Variants in KCNIP4 observed in about 807,000 individuals in gnomAD.
KCNIP4 encodes the protein Kv channel-interacting protein 4.
A neutral mutation model predicts 34.0 loss-of-function variants in KCNIP4; 12 were observed. The ratio of observed to expected loss-of-function variants is 0.35; its 90% CI spans 0.23 to 0.57. The LOEUF (loss-of-function observed/expected upper bound fraction) is 0.57. Ranked by LOEUF, KCNIP4 falls within the 20% of genes least tolerant of loss-of-function variation. KCNIP4 has a pLI of 0.83. For synonymous variants in KCNIP4, 124 were observed against 102.2 expected (o/e 1.21, Z -1.29); for missense variants, 238 against 311.7 (o/e 0.76, Z 1.78).
intron 1 of KCNIP4, among the ~76,000 whole-genome samples, chr4:21,829,258 G>T (rs935397268): frequency 6.6e-6 from 1 of 151,872 alleles, no homozygotes; most frequent in Admixed American, 6.6e-5. Context: ...CCATTGTAAA[G>T]TAAAAAAAAT....
At chr4:21,620,798 T>C (rs543099085) in intron 1 of KCNIP4, among the ~76,000 whole-genome samples, 13 of 152,278 alleles carry the variant, frequency 8.5e-5, no homozygotes, top group South Asian at 4.1e-4. Context: ...CTGTTGCCCA[T>C]GTACTTAGCC....
chr4:21,799,245 C>G (rs1720843116), intron 1 of KCNIP4, among the ~76,000 whole-genome samples: 1 of 152,124 alleles, frequency 6.6e-6, no homozygotes, highest in African/African-American at 2.4e-5. Context: ...TATTTTCTCT[C>G]TTTTACAGAT....
chr4:21,524,645 C>A (rs1009346393), intron 1 of KCNIP4, among the ~76,000 whole-genome samples: 1 of 152,048 alleles, frequency 6.6e-6, no homozygotes, highest in Non-Finnish European at 1.5e-5. Context: ...TCAGGGAAAC[C>A]TTCTAAGTCA....
At chr4:21,289,871 C>T (rs1332808580) in intron 1 of KCNIP4, among the ~76,000 whole-genome samples, 4 of 152,114 alleles carry the variant, frequency 2.6e-5, no homozygotes, top group South Asian at 2.1e-4. Flanking sequence ...ACTCTATACC[C>T]GCTTCCTCAC....
At chr4:21,365,033 A>G (rs978397837) in intron 1 of KCNIP4, among the ~76,000 whole-genome samples, 3 of 152,196 alleles carry the variant, frequency 2.0e-5, no homozygotes, top group African/African-American at 7.2e-5. Context: ...AGCCAAGTTT[A>G]TATCAAAGGA....
At chr4:21,737,060 T>C (rs908169697) in intron 1 of KCNIP4, among the ~76,000 whole-genome samples, 2 of 152,106 alleles carry the variant, frequency 1.3e-5, no homozygotes, top group Non-Finnish European at 2.9e-5. Flanking sequence ...TTTCCTCCAA[T>C]CCTTTCACTT....
At chr4:21,874,059 C>G (rs375942474) in intron 1 of KCNIP4, among the ~76,000 whole-genome samples, 136 of 152,334 alleles carry the variant, frequency 8.9e-4, no homozygotes, top group African/African-American at 3.2e-3. Flanking sequence ...ATTACATTCA[C>G]TGTGACTGAT....
At chr4:21,068,898 T>A (rs1006967111) in intron 1 of KCNIP4, among the ~76,000 whole-genome samples, 3 of 152,204 alleles carry the variant, frequency 2.0e-5, no homozygotes, top group Non-Finnish European at 4.4e-5. Context: ...ATGACCACAG[T>A]ATAGATGTGT....
intron 1 of KCNIP4, among the ~76,000 whole-genome samples, chr4:21,067,045 A>G (rs937568619): frequency 3.3e-5 from 5 of 152,146 alleles, no homozygotes; most frequent in African/African-American, 1.2e-4. Context: ...TGTGTCTTGC[A>G]ACTTGGATAC....
At chr4:21,029,846 G>C (rs933476156) in intron 1 of KCNIP4, among the ~76,000 whole-genome samples, 1 of 152,128 alleles carries the variant, frequency 6.6e-6, no homozygotes, top group African/African-American at 2.4e-5. Context: ...ATAAAATAAT[G>C]ACTCTTTCCA....
chr4:21,616,299 A>T (rs1744603030), intron 1 of KCNIP4, among the ~76,000 whole-genome samples: 1 of 152,034 alleles, frequency 6.6e-6, no homozygotes, highest in South Asian at 2.1e-4. Flanking sequence ...TCACAATTGC[A>T]CCCTTCAATC....
chr4:21,203,541 T>C (rs943814486), intron 1 of KCNIP4, among the ~76,000 whole-genome samples: 1 of 152,216 alleles, frequency 6.6e-6, no homozygotes, highest in African/African-American at 2.4e-5. Context: ...CTTTTCTGAC[T>C]GGGTAGACAC....
rs543460690 is a variant in KCNIP4, at chr4:20,932,652, C to T, written c.62-49943G>A. The stretch of plus-strand genomic sequence containing the variant: ...ACCATTTTACTATCTGTAGTTTTTC[C>T]ATAACTTGTAAACCTCAGATATACA... On this transcript the variant is annotated intron_variant, in intron 1 of 8. Transcript: ENST00000382152. Among the ~76,000 whole-genome samples the T allele has an allele frequency of 1.6e-4, 24 of 152,110 alleles. 1 individual carries two copies. The highest frequency in any genetic ancestry group is 4.8e-4 in the African/African-American group (20 of 41,512).
rs541345529 is a variant in KCNIP4 at position 21,646,258 on chromosome 4, G to A, written c.61+302313C>T. 1.1e-4 allele frequency among the ~76,000 whole-genome samples: 17 copies of A among 152,192 alleles called. No individual in the cohort carries two copies. The South Asian group carries it at 3.1e-3, about 28-fold the overall frequency. On this transcript the variant is annotated intron_variant, in intron 1 of 8. Coordinates refer to ENST00000382152, the MANE Select transcript of KCNIP4 (RefSeq NM_025221.6). ...TTGCTCCCAGTGAACTGATCAAATT[G>A]GTTGAGTTGCCAATGTAGTTCCCAC...
intron 1 of KCNIP4, among the ~76,000 whole-genome samples, chr4:21,197,254 T>A (rs1756123173): frequency 6.6e-6 from 1 of 152,162 alleles, no homozygotes; most frequent in Admixed American, 6.5e-5. Flanking sequence ...TATGCACTAT[T>A]TTCTTTTGGG....
At position 21,584,893 on chromosome 4, in the gene KCNIP4, G is replaced by A. The variant is rs143155705; in HGVS notation, c.61+363678C>T. Among the ~76,000 whole-genome samples the A allele has an allele frequency of 2.1e-3, 323 of 152,182 alleles. 1 individual carries two copies. The highest frequency in any genetic ancestry group is 3.1e-3 in the Non-Finnish European group (210 of 67,988). ...TGAGCTTTGTAGAGGAGCAATATACGTAATCCTCTCCAAGCAAGTGTAACC... is the reference window on the plus strand; with the variant it reads ...TGAGCTTTGTAGAGGAGCAATATACATAATCCTCTCCAAGCAAGTGTAACC... On this transcript the variant is annotated intron_variant, in intron 1 of 8. Transcript: ENST00000382152.
intron 1 of KCNIP4, among the ~76,000 whole-genome samples, chr4:21,837,127 C>T (rs901979034): frequency 2.0e-5 from 3 of 150,500 alleles, no homozygotes; most frequent in Admixed American, 6.6e-5. Flanking sequence ...CCATGTTAGC[C>T]AGGATGGTCT....
chr4:21,248,011 C>A, intron 1 of KCNIP4, among the ~76,000 whole-genome samples: 1 of 143,282 alleles, frequency 7.0e-6, no homozygotes, highest in South Asian at 2.2e-4. Context: ...ACACCCCCCA[C>A]AGGTGGATAT....
intron 6 of KCNIP4, among the ~76,000 whole-genome samples, chr4:20,734,229 C>A (rs997244035): frequency 1.1e-4 from 17 of 152,164 alleles, no homozygotes; most frequent in Admixed American, 5.9e-4. Context: ...CCCACCATTG[C>A]GTCAGGTCAT....
Sources: allele counts gnomAD v4.1 joint callset (sites outside exome capture counted in the v4.1 genomes callset), GRCh38; gene constraint gnomAD v4.1.1; transcripts MANE v1.5; gene names NCBI Gene and HGNC (gene_info 2026-07-23, HGNC 2026-07-21).